The following ASAP2 variants were observed in gnomAD, a reference collection of about 807,000 sequenced individuals.
The protein encoded by ASAP2 is arf-GAP with SH3 domain, ANK repeat and PH domain-containing protein 2.
ASAP2 carries 45 observed loss-of-function variants against 131.4 expected under a neutral mutation model. That is an observed-to-expected ratio of 0.34 (90% CI 0.27 to 0.44). The LOEUF (loss-of-function observed/expected upper bound fraction) is 0.44. Among genes scored for constraint, ASAP2 ranks in the 20% least tolerant of loss-of-function variants. ASAP2 has a pLI of 1.00. For missense variants in ASAP2, 1,011 were observed against 1,297.0 expected, an observed-to-expected ratio of 0.78 and a Z score of 3.39; for synonymous variants, 510 against 503.0, an observed-to-expected ratio of 1.01 and a Z score of -0.19.
rs1338335627 is a variant in ASAP2 at position 9,323,133 on chromosome 2, A to G, written c.483A>G (p.Glu161=). The G allele has an allele frequency of 6.2e-7, 1 of 1,614,220 alleles. No homozygotes were observed. Among genetic ancestry groups the G allele is most frequent in the Admixed American group, 1.7e-5 (1 of 60,034 alleles). The change falls in exon 6 of 28, where the codon GAA becomes GAG. Residue 161 remains glutamate (E), a synonymous_variant. Coordinates refer to ENST00000281419, the MANE Select transcript of ASAP2 (RefSeq NM_003887.3). ...KDYETKITKI[E]KEKKEHAKLH... ...CTTTCACACGTAGAACCAAGATAGAAAAGGAGAAAAAGGAACACGCCAAGC... is the reference window on the plus strand; with the variant it reads ...CTTTCACACGTAGAACCAAGATAGAGAAGGAGAAAAAGGAACACGCCAAGC...
chr2:9,272,638 C>T (rs748359656), intron 1 of ASAP2, among the ~76,000 whole-genome samples: 7 of 152,144 alleles, frequency 4.6e-5, no homozygotes, highest in Non-Finnish European at 8.8e-5. Context: ...TTGCCCAGAC[C>T]AGTGTCCTGC....
At position 9,389,106 on chromosome 2, in the gene ASAP2, G is replaced by T. The variant is rs1224702791; in HGVS notation, c.2383+560G>T. 6.6e-6 allele frequency among the ~76,000 whole-genome samples: 1 copy of T among 152,240 alleles called. No homozygotes were observed. The highest frequency in any genetic ancestry group is 1.5e-5 in the Non-Finnish European group (1 of 68,042). On this transcript the variant is annotated intron_variant, in intron 22 of 27. Coordinates refer to ENST00000281419, the MANE Select transcript of ASAP2 (RefSeq NM_003887.3). The surrounding 1 kb of genome is among the most constrained non-coding windows in gnomAD (Gnocchi z 4.7). ...TTTCTTACCTCAGCTGTAACCTGGA[G>T]GTTTTGACTCAACAGGTGACACTTT...
chr2:9,326,701 ACT>A (rs1454208527), intron 6 of ASAP2, among the ~76,000 whole-genome samples: 4 of 152,112 alleles, frequency 2.6e-5, no homozygotes, highest in African/African-American at 9.6e-5. Flanking sequence ...ACCTATTTTC[ACT>A]CTCTAGTATG....
chr2:9,239,040 G>A (rs550742071), intron 1 of ASAP2, among the ~76,000 whole-genome samples: 40 of 152,044 alleles, frequency 2.6e-4, no homozygotes, highest in African/African-American at 9.2e-4. Flanking sequence ...TCTCTGTCCC[G>A]TGGCGTTAGC....
intron 1 of ASAP2, among the ~76,000 whole-genome samples, chr2:9,244,524 A>G (rs1403821412): frequency 6.6e-6 from 1 of 152,238 alleles, no homozygotes; most frequent in Admixed American, 6.5e-5. Flanking sequence ...AGCTCCTAGC[A>G]CAGAGTGTGC....
chr2:9,279,196 TC>T, intron 1 of ASAP2, 120 bp from the exon 2 acceptor site: 1 of 878,808 alleles, frequency 1.1e-6, no homozygotes. Flanking sequence ...GAGGCTTGTC[TC>T]CCAGAAACAG....
intron 11 of ASAP2, among the ~76,000 whole-genome samples, chr2:9,347,585 G>A (rs1672051785): frequency 6.6e-6 from 1 of 152,204 alleles, no homozygotes; most frequent in African/African-American, 2.4e-5. Flanking sequence ...GGCAGCCTCT[G>A]GGAAATGAAG....
At chr2:9,211,776 C>T (rs1372080579) in intron 1 of ASAP2, among the ~76,000 whole-genome samples, 7 of 152,284 alleles carry the variant, frequency 4.6e-5, no homozygotes, top group South Asian at 2.1e-4. Context: ...ACCAGGGCTA[C>T]GTGCTTTTTG....
rs1666127048 is a variant in ASAP2, at chr2:9,268,787, A to G, written c.127-10530A>G. Among the ~76,000 whole-genome samples the G allele has an allele frequency of 1.3e-5, 2 of 152,070 alleles. No homozygotes were observed. Among genetic ancestry groups the G allele is most frequent in the African/African-American group, 4.8e-5 (2 of 41,404 alleles). ...CGTCCGTGGAACGAGGGGAGAGGAG[A>G]TAGGACGGGAGAGCGGAGCATGCTA... On this transcript the variant is annotated intron_variant, in intron 1 of 27. Transcript: ENST00000281419. The surrounding 1 kb of genome is among the most constrained non-coding windows in gnomAD (Gnocchi z 4.1).
intron 2 of ASAP2, among the ~76,000 whole-genome samples, chr2:9,280,700 C>T (rs1558292937): frequency 6.6e-6 from 1 of 152,204 alleles, no homozygotes; most frequent in Non-Finnish European, 1.5e-5. Context: ...AGAATTACAG[C>T]AGCGGAAATT....
intron 7 of ASAP2, among the ~76,000 whole-genome samples, chr2:9,334,096 G>A (rs12692380): frequency 0.025 from 3,006 of 121,518 alleles, 145 homozygotes; most frequent in African/African-American, 0.089. Context: ...CGCCAGGCCA[G>A]AATGCAGTGG....
chr2:9,381,020 TG>T (rs1398482084), intron 20 of ASAP2, among the ~76,000 whole-genome samples: 12 of 152,192 alleles, frequency 7.9e-5, no homozygotes, highest in African/African-American at 2.9e-4. Flanking sequence ...CAGTGAGACT[TG>T]GGGTGTGAGT....
chr2:9,352,630 G>A (rs190524445), intron 12 of ASAP2, among the ~76,000 whole-genome samples: 81 of 152,302 alleles, frequency 5.3e-4, no homozygotes, highest in Middle Eastern at 3.4e-3. Context: ...ATCAGTAGAC[G>A]GCAAGTGTGC....
At chr2:9,226,640 C>T (rs904498505) in intron 1 of ASAP2, among the ~76,000 whole-genome samples, 2 of 152,186 alleles carry the variant, frequency 1.3e-5, no homozygotes, top group African/African-American at 4.8e-5. Flanking sequence ...TTCAGGCTGC[C>T]GTGGGGAGGA....
intron 14 of ASAP2, among the ~76,000 whole-genome samples, chr2:9,356,620 A>T (rs1274112810): frequency 6.6e-6 from 1 of 152,212 alleles, no homozygotes; most frequent in Non-Finnish European, 1.5e-5. Context: ...GAGAAATGAA[A>T]ACTGAAGGGT....
chr2:9,363,195 C>T (rs1314556504), intron 15 of ASAP2, among the ~76,000 whole-genome samples: 3 of 152,074 alleles, frequency 2.0e-5, no homozygotes, highest in Non-Finnish European at 4.4e-5. Flanking sequence ...TCCATTCGTC[C>T]ATTGGTGGCA....
intron 4 of ASAP2, among the ~76,000 whole-genome samples, chr2:9,319,128 G>A (rs115886239): frequency 1.3e-3 from 193 of 152,172 alleles, no homozygotes; most frequent in African/African-American, 4.0e-3. Flanking sequence ...GGCTGGAGGG[G>A]CGTTTGCTCA....
At chr2:9,292,375 A>G (rs10208073) in intron 2 of ASAP2, among the ~76,000 whole-genome samples, 39,367 of 151,922 alleles carry the variant, frequency 0.26, 5,158 homozygotes, top group African/African-American at 0.29. Context: ...AAAATTAGCC[A>G]GAAGTGGTGG....
chr2:9,346,537 T>A (rs190217003), intron 11 of ASAP2, among the ~76,000 whole-genome samples: 38 of 152,208 alleles, frequency 2.5e-4, no homozygotes, highest in African/African-American at 8.9e-4. Flanking sequence ...GTCTTTAATA[T>A]TAGGAATGTT....
Sources: gnomAD v4.1 joint callset for allele counts (sites outside exome capture counted in the v4.1 genomes callset) on GRCh38, gnomAD v4.1.1 for gene constraint, Gnocchi (gnomAD v3.1) non-coding constraint, MANE v1.5 for transcripts, NCBI Gene and HGNC (gene_info 2026-07-23, HGNC 2026-07-21) for gene names.